The following IQGAP2 variants were observed in gnomAD, a reference collection of about 807,000 sequenced individuals.
IQGAP2 encodes the protein ras GTPase-activating-like protein IQGAP2.
IQGAP2 carries 173 observed loss-of-function variants against 201.3 expected under a neutral mutation model. That is an observed-to-expected ratio of 0.86 (90% CI 0.76 to 0.98). The LOEUF (loss-of-function observed/expected upper bound fraction) is 0.98. Among genes scored for constraint, IQGAP2 ranks in the 50% least tolerant of loss-of-function variants. The pLI, the probability that IQGAP2 is intolerant of heterozygous loss-of-function variation, is 0.00. For synonymous variants in IQGAP2, 675 were observed against 673.9 expected (o/e 1.00, Z -0.03); for missense variants, 1,687 against 1,864.8 (o/e 0.90, Z 1.76).
intron 1 of IQGAP2, chr5:76,404,459 G>T (rs1750686828): frequency 1.0e-6 from 1 of 985,392 alleles, no homozygotes; most frequent in South Asian, 4.7e-5. Flanking sequence ...GTCTCTCCAA[G>T]GTGGCCCTGT....
intron 1 of IQGAP2, among the ~76,000 whole-genome samples, chr5:76,460,451 C>T (rs530810357): frequency 4.6e-5 from 7 of 152,102 alleles, no homozygotes; most frequent in African/African-American, 1.7e-4. Flanking sequence ...GGGGAGCCAT[C>T]AAAAGTTTTG....
At chr5:76,451,620 A>G (rs190191898) in intron 1 of IQGAP2, among the ~76,000 whole-genome samples, 1 of 152,380 alleles carries the variant, frequency 6.6e-6, no homozygotes, top group African/African-American at 2.4e-5. Flanking sequence ...TTGAATGACC[A>G]TGATCCTTTT....
rs1044738281 is a variant in IQGAP2, at chr5:76,632,207, A to G, written c.1780+181A>G. ...TGTTTCTTTTTAGTTTTAGAAAGCT[A>G]TGATGAGCTCAGTGGCAATATATGG... On this transcript the variant is annotated intron_variant, in intron 15 of 35. Transcript: ENST00000274364. Among the ~76,000 whole-genome samples, 9 of 152,214 alleles carry G rather than the reference A, an allele frequency of 5.9e-5. 1 individual carries two copies. Among genetic ancestry groups the G allele is most frequent in the Admixed American group, 2.0e-4 (3 of 15,280 alleles).
At chr5:76,644,856 C>A (rs747028660) in intron 17 of IQGAP2, among the ~76,000 whole-genome samples, 5 of 152,006 alleles carry the variant, frequency 3.3e-5, no homozygotes, top group African/African-American at 7.3e-5. Flanking sequence ...CAAAAAAATT[C>A]TTTTATTATT....
At chr5:76,457,766 C>A (rs1419406423) in intron 1 of IQGAP2, among the ~76,000 whole-genome samples, 9 of 152,182 alleles carry the variant, frequency 5.9e-5, no homozygotes, top group Admixed American at 5.9e-4. Flanking sequence ...ACTTCTATTT[C>A]AAAATACTCT....
At position 76,558,697 on chromosome 5, in the gene IQGAP2, C is replaced by T. The variant is rs184196153; in HGVS notation, c.147-3699C>T. 1.3e-3 allele frequency among the ~76,000 whole-genome samples: 200 copies of T among 152,282 alleles called. 2 individuals carry two copies. The highest frequency in any genetic ancestry group is 6.8e-3 in the Middle Eastern group (2 of 294). ...TTCCTTGTTCTTCCAGTTTCACAGCCGTTAGAATGTTAGAGCTGGCAAGGA... is the reference window on the plus strand; with the variant it reads ...TTCCTTGTTCTTCCAGTTTCACAGCTGTTAGAATGTTAGAGCTGGCAAGGA... On this transcript the variant is annotated intron_variant, in intron 2 of 35. Transcript: ENST00000274364.
At position 76,627,464 on chromosome 5, in the gene IQGAP2, G is replaced by A. The variant is rs145465543; in HGVS notation, c.1576G>A (p.Asp526Asn). The change falls in exon 14 of 36, where the codon GAT becomes AAT. Residue 526 changes from aspartate to asparagine, a missense_variant. Transcript: ENST00000274364. Reference sequence around the variant, plus strand: ...GCTGGATGAGATACAGCAAGCCGTCGATGATGCCAACGTGGACAAGGACAG... The same window carrying A: ...GCTGGATGAGATACAGCAAGCCGTCAATGATGCCAACGTGGACAAGGACAG... ...LWLDEIQQAVDDANVDKDRAK... is the reference protein window; with the variant it reads ...LWLDEIQQAVNDANVDKDRAK... 1.5e-4 allele frequency: 240 copies of A among 1,599,776 alleles called. No homozygotes were observed. The highest frequency in any genetic ancestry group is 2.0e-4 in the Non-Finnish European group (236 of 1,167,062).
intron 2 of IQGAP2, among the ~76,000 whole-genome samples, chr5:76,519,848 CTATCTGCT>C (rs1758557730): frequency 1.3e-5 from 2 of 152,128 alleles, no homozygotes; most frequent in Non-Finnish European, 2.9e-5. Context: ...ATTTGGTAAA[CTATCTGCT>C]CAACTCTTTT....
chr5:76,418,197 A>G (rs1580148030), intron 1 of IQGAP2, among the ~76,000 whole-genome samples: 1 of 115,844 alleles, frequency 8.6e-6, no homozygotes, highest in Admixed American at 1.1e-4. Flanking sequence ...ACAGAGAGAG[A>G]CTCCGTCTCA....
chr5:76,641,717 C>CAGTCACCACA (rs1229338293), intron 17 of IQGAP2, among the ~76,000 whole-genome samples: 1 of 152,152 alleles, frequency 6.6e-6, no homozygotes, highest in African/African-American at 2.4e-5. Flanking sequence ...CGCCCCCTAC[C>CAGTCACCACA]AGTCACCACA....
At chr5:76,646,723 T>C (rs1752067142) in intron 17 of IQGAP2, among the ~76,000 whole-genome samples, 1 of 152,240 alleles carries the variant, frequency 6.6e-6, no homozygotes, top group Non-Finnish European at 1.5e-5. Flanking sequence ...AGGTTTTTTT[T>C]TGAGGGCAAT....
At chr5:76,648,509 A>G (rs1280037417) in intron 17 of IQGAP2, among the ~76,000 whole-genome samples, 1 of 152,268 alleles carries the variant, frequency 6.6e-6, no homozygotes, top group Non-Finnish European at 1.5e-5. Context: ...TATGTCAAGA[A>G]CCAAGAAAAT....
chr5:76,700,207 G>T (rs1472879637), intron 33 of IQGAP2, among the ~76,000 whole-genome samples: 1 of 152,076 alleles, frequency 6.6e-6, no homozygotes, highest in Non-Finnish European at 1.5e-5. Flanking sequence ...ATTGGATTTG[G>T]GTTCTGATTC....
At chr5:76,623,426 A>G (rs1749914062) in intron 13 of IQGAP2, 3 of 606,044 alleles carry the variant, frequency 5.0e-6, no homozygotes, top group South Asian at 2.1e-5. Context: ...TCGATGCTTC[A>G]GTAAGCATGA....
At chr5:76,561,987 C>T (rs1222002759) in intron 2 of IQGAP2, among the ~76,000 whole-genome samples, 1 of 152,180 alleles carries the variant, frequency 6.6e-6, no homozygotes, top group Non-Finnish European at 1.5e-5. Context: ...TGGGACTATG[C>T]ACTCCCTAAG....
chr5:76,645,201 A>C (rs1239246871), intron 17 of IQGAP2, among the ~76,000 whole-genome samples: 1 of 152,192 alleles, frequency 6.6e-6, no homozygotes, highest in Non-Finnish European at 1.5e-5. Flanking sequence ...ATGGCTGCAT[A>C]GTATTCCATG....
rs902649419 is a variant in IQGAP2, at chr5:76,672,075, A to G, written c.3068+92A>G. The G allele has an allele frequency of 3.4e-5, 33 of 965,552 alleles. No individual in the cohort carries two copies. In the Admixed American group the frequency reaches 7.1e-4, roughly 21 times the overall value. 59.8% of individuals were successfully genotyped at this position (965,552 alleles called of 1,614,324 possible). On this transcript the variant is annotated intron_variant, in intron 24 of 35. Transcript: ENST00000274364. The stretch of plus-strand genomic sequence containing the variant: ...GATACTCTTAAACTTTGTTAGGCGA[A>G]CTGTACAAAGTCAGTTATCAATCCA...
intron 11 of IQGAP2, among the ~76,000 whole-genome samples, chr5:76,602,116 A>G (rs775793484): frequency 2.0e-5 from 3 of 152,196 alleles, no homozygotes; most frequent in Non-Finnish European, 2.9e-5. Flanking sequence ...TATGTGCCTT[A>G]TACCTCTGCA....
chr5:76,491,015 T>G (rs2150155463), intron 2 of IQGAP2, among the ~76,000 whole-genome samples: 1 of 150,620 alleles, frequency 6.6e-6, no homozygotes, highest in Non-Finnish European at 1.5e-5. Flanking sequence ...TTTGAGTCCT[T>G]GGGTTTATCA....
Sources: gnomAD v4.1 joint callset for allele counts (sites outside exome capture counted in the v4.1 genomes callset) on GRCh38, gnomAD v4.1.1 for gene constraint, MANE v1.5 for transcripts, NCBI Gene and HGNC (gene_info 2026-07-23, HGNC 2026-07-21) for gene names.